The following EPN2 variants were observed in gnomAD, a reference collection of about 807,000 sequenced individuals.
The protein encoded by EPN2 is epsin 2.
A neutral mutation model predicts 61.7 loss-of-function variants in EPN2; 34 were observed. That is an observed-to-expected ratio of 0.55 (90% CI 0.42 to 0.73). The LOEUF is 0.73. EPN2 is among the 30% of genes least tolerant of loss of function. The pLI is 0.00. For synonymous variants in EPN2, 349 were observed against 353.6 expected (o/e 0.99, Z 0.15); for missense variants, 714 against 839.2 (o/e 0.85, Z 1.84).
intron 1 of EPN2, among the ~76,000 whole-genome samples, chr17:19,258,642 T>C (rs747575274): frequency 2.0e-5 from 3 of 152,178 alleles, no homozygotes; most frequent in Non-Finnish European, 2.9e-5. Context: ...CTAACTGTGA[T>C]TTAACCTAGA....
chr17:19,253,410 CTTT>C (rs59492982), intron 1 of EPN2, among the ~76,000 whole-genome samples: 8 of 101,870 alleles, frequency 7.9e-5, no homozygotes, highest in Admixed American at 1.0e-4. Flanking sequence ...TAAATAGTTG[CTTT>C]TTTTTTTTTT....
chr17:19,271,255 T>C lies in EPN2; in HGVS notation c.-293-10700T>C, dbSNP rs374844817. Among the ~76,000 whole-genome samples, 5 of 152,064 alleles carry C rather than the reference T, an allele frequency of 3.3e-5. No individual in the cohort carries two copies. The East Asian group carries it at 9.7e-4, about 29-fold the overall frequency. The stretch of plus-strand genomic sequence containing the variant: ...TGTTCCAGATGACAGCTGGTGACGT[T>C]GATAGAGAGTGCCTGATGGGTTCTG... On this transcript the variant is annotated intron_variant, in intron 1 of 10. Coordinates refer to ENST00000314728, the MANE Select transcript of EPN2 (RefSeq NM_014964.5).
intron 1 of EPN2, among the ~76,000 whole-genome samples, chr17:19,247,041 A>AT (rs1033614317): frequency 6.6e-6 from 1 of 151,304 alleles, no homozygotes; most frequent in Non-Finnish European, 1.5e-5. Flanking sequence ...AAGTACTGGG[A>AT]TTACAGGCGT....
At chr17:19,297,837 C>G (rs1176364912) in intron 4 of EPN2, among the ~76,000 whole-genome samples, 3 of 152,160 alleles carry the variant, frequency 2.0e-5, no homozygotes, top group Admixed American at 6.6e-5. Context: ...ATGCATTTTC[C>G]ATGTTGCTAG....
At chr17:19,263,218 T>A (rs1195544134) in intron 1 of EPN2, among the ~76,000 whole-genome samples, 2 of 152,200 alleles carry the variant, frequency 1.3e-5, no homozygotes, top group African/African-American at 4.8e-5. Context: ...CATGGCTGAC[T>A]TCAGAGGAGG....
At chr17:19,332,426 T>A (rs1282055350) in intron 10 of EPN2, among the ~76,000 whole-genome samples, 1 of 152,016 alleles carries the variant, frequency 6.6e-6, no homozygotes, top group Non-Finnish European at 1.5e-5. Context: ...GGGTTTGGCG[T>A]GTAGCATTCC....
At chr17:19,313,402 C>T (rs1001714698) in intron 7 of EPN2, 123 bp downstream of exon 7, 6 of 800,550 alleles carry the variant, frequency 7.5e-6, no homozygotes, top group Non-Finnish European at 1.1e-5. Flanking sequence ...CAGGCTCCTC[C>T]AGCCCTCAGC....
rs188613123 is a variant in EPN2, at chr17:19,335,667, C to T, written c.*1413C>T. 5 of 411,368 alleles carry T rather than the reference C, an allele frequency of 1.2e-5. No homozygotes were observed. Among genetic ancestry groups the T allele is most frequent in the African/African-American group, 8.1e-5 (4 of 49,396 alleles). The allele number at this position is 411,368 out of a possible 1,614,324, so 25.5% of individuals were successfully genotyped here. On this transcript the variant is annotated 3_prime_UTR_variant, in exon 11 of 11. Transcript: ENST00000314728. Reference sequence around the variant, plus strand: ...TGGCCCTGATCCACCTACCTGCTAACTCCAGATATTATTTTTAAGTTGGAG... The same window carrying T: ...TGGCCCTGATCCACCTACCTGCTAATTCCAGATATTATTTTTAAGTTGGAG...
chr17:19,261,536 T>TAAA (rs1268969077), intron 1 of EPN2, among the ~76,000 whole-genome samples: 14 of 152,262 alleles, frequency 9.2e-5, no homozygotes, highest in Admixed American at 7.8e-4. Context: ...AGGCAGAGTC[T>TAAA]TTAAATAATT....
intron 1 of EPN2, among the ~76,000 whole-genome samples, chr17:19,250,545 A>G (rs2045003829): frequency 6.6e-6 from 1 of 152,170 alleles, no homozygotes; most frequent in African/African-American, 2.4e-5. Context: ...GATCTTACAT[A>G]GCCTCCTAGT....
At chr17:19,295,341 TACACACAC>T (rs761662309) in intron 4 of EPN2, among the ~76,000 whole-genome samples, 3,810 of 145,120 alleles carry the variant, frequency 0.026, 187 homozygotes, top group African/African-American at 0.09. Flanking sequence ...CTATTAAAAA[TACACACAC>T]ACACACACAC....
intron 9 of EPN2, among the ~76,000 whole-genome samples, 171 bp from the exon 10 acceptor site, chr17:19,331,682 G>A (rs998833256): frequency 1.3e-5 from 2 of 152,200 alleles, no homozygotes; most frequent in Non-Finnish European, 2.9e-5. Flanking sequence ...GCATGCTGGT[G>A]TTTCGTTATG....
intron 1 of EPN2, chr17:19,248,566 G>T (rs1453205775): frequency 6.6e-6 from 1 of 152,220 alleles, no homozygotes; most frequent in Non-Finnish European, 1.5e-5. Flanking sequence ...AAGTCTAGAA[G>T]TGGGATTTTA....
rs1389663840 is a variant in EPN2, at chr17:19,332,292, C to CA, written c.1627+225dup. Among the ~76,000 whole-genome samples the CA allele has an allele frequency of 2.6e-5, 4 of 152,078 alleles. No individual in the cohort carries two copies. In the East Asian group the frequency reaches 5.8e-4, roughly 22 times the overall value. On this transcript the variant is annotated intron_variant, in intron 10 of 10. Transcript: ENST00000314728. Reference sequence around the variant, plus strand: ...GGGTAGGAAATAGCTCCTCTCCTCTCAGTTGAGACTACCAAGCAGAAACTG... The same window carrying CA: ...GGGTAGGAAATAGCTCCTCTCCTCTCAAGTTGAGACTACCAAGCAGAAACTG...
intron 1 of EPN2, among the ~76,000 whole-genome samples, chr17:19,279,036 G>A (rs767374757): frequency 2.0e-5 from 3 of 151,208 alleles, no homozygotes; most frequent in East Asian, 1.9e-4. Context: ...GCCTTATTTC[G>A]TTTTTTTTTA....
At position 19,262,182 on chromosome 17, in the gene EPN2, A is replaced by G. The variant is rs1597978317; in HGVS notation, c.-293-19773A>G. ...AGCCTGAGCAACAGAGCAAGACTCC[A>G]TCTAAAAAAAAACAGGCCAGGTGCA... On this transcript the variant is annotated intron_variant, in intron 1 of 10. Coordinates refer to ENST00000314728, the MANE Select transcript of EPN2 (RefSeq NM_014964.5). Among the ~76,000 whole-genome samples, 3 of 147,256 alleles carry G rather than the reference A, an allele frequency of 2.0e-5. No homozygotes were observed. In the East Asian group the frequency reaches 6.1e-4, roughly 30 times the overall value.
chr17:19,290,131 G>C (rs1597998265), intron 4 of EPN2, among the ~76,000 whole-genome samples: 1 of 152,112 alleles, frequency 6.6e-6, no homozygotes, highest in East Asian at 1.9e-4. Flanking sequence ...ACATGATCCT[G>C]GCATGTAGTC....
intron 7 of EPN2, among the ~76,000 whole-genome samples, chr17:19,314,669 C>T (rs1374704220): frequency 6.6e-6 from 1 of 152,222 alleles, no homozygotes; most frequent in African/African-American, 2.4e-5. Context: ...GGCAGGAGCC[C>T]TCTGGGCCTT....
chr17:19,291,706 C>T (rs2045467312), intron 4 of EPN2, among the ~76,000 whole-genome samples: 1 of 152,190 alleles, frequency 6.6e-6, no homozygotes, highest in African/African-American at 2.4e-5. Flanking sequence ...TCCCAAAGTG[C>T]TGGAATTACA....
Sources: allele counts gnomAD v4.1 joint callset (sites outside exome capture counted in the v4.1 genomes callset), GRCh38; gene constraint gnomAD v4.1.1; transcripts MANE v1.5; gene names NCBI Gene and HGNC (gene_info 2026-07-23, HGNC 2026-07-21).